Variants in IL23R observed in about 807,000 individuals in gnomAD.
The protein encoded by IL23R is interleukin-23 receptor.
IL23R carries 34 observed loss-of-function variants against 56.9 expected under a neutral mutation model. The ratio of observed to expected loss-of-function variants is 0.60; its 90% CI spans 0.45 to 0.80. The LOEUF is 0.80. IL23R is among the 30% of genes least tolerant of loss of function. IL23R has a pLI of 0.00. For missense variants in IL23R, 635 were observed against 730.0 expected, an observed-to-expected ratio of 0.87 and a Z score of 1.50; for synonymous variants, 230 against 249.2, an observed-to-expected ratio of 0.92 and a Z score of 0.73.
chr1:67,162,161 G>A (rs1216975259), upstream of IL23R, among the ~76,000 whole-genome samples: 2 of 151,584 alleles, frequency 1.3e-5, no homozygotes, highest in South Asian at 2.1e-4. Context: ...AAAAAGTAAT[G>A]GTTCATCAAA....
rs899842369 is a variant in IL23R, at chr1:67,181,180, T to G, written c.368-1656T>G. Among the ~76,000 whole-genome samples, 8 of 152,260 alleles carry G rather than the reference T, an allele frequency of 5.3e-5. No individual in the cohort carries two copies. In the East Asian group the frequency reaches 5.8e-4, roughly 11 times the overall value. ...GAATGTTGGCCTGCCTTGCTAGATTTGGGAAGTTCTCCTGGATCCTACTCT... is the reference window on the plus strand; with the variant it reads ...GAATGTTGGCCTGCCTTGCTAGATTGGGGAAGTTCTCCTGGATCCTACTCT... On this transcript the variant is annotated intron_variant, in intron 3 of 10. Coordinates refer to ENST00000347310, the MANE Select transcript of IL23R (RefSeq NM_144701.3).
At chr1:67,169,868 T>C in intron 3 of IL23R, among the ~76,000 whole-genome samples, 1 of 152,192 alleles carries the variant, frequency 6.6e-6, no homozygotes, top group East Asian at 1.9e-4. Context: ...CTACATCTTT[T>C]GGCTTTTCAA....
chr1:67,155,797 C>T (rs903632759), intron 1 of IL23R, among the ~76,000 whole-genome samples: 4 of 152,302 alleles, frequency 2.6e-5, no homozygotes, highest in African/African-American at 9.6e-5. Flanking sequence ...TCTGTCAATT[C>T]GTCCATCTCA....
At chr1:67,240,312 T>C (rs536972657) in intron 9 of IL23R, 31 bp downstream of exon 9, 17 of 1,415,632 alleles carry the variant, frequency 1.2e-5, no homozygotes, top group South Asian at 1.0e-4. Flanking sequence ...TGTTTTCTGA[T>C]TTAGACTACA....
chr1:67,221,137 G>A (rs1267080656), intron 7 of IL23R, among the ~76,000 whole-genome samples: 8 of 152,088 alleles, frequency 5.3e-5, no homozygotes, highest in Non-Finnish European at 7.4e-5. Flanking sequence ...CCTGGCCAAC[G>A]TGGCAAAATC....
chr1:67,149,183 G>A (rs1252325153), intron 1 of IL23R, among the ~76,000 whole-genome samples: 1 of 152,158 alleles, frequency 6.6e-6, no homozygotes, highest in Non-Finnish European at 1.5e-5. Flanking sequence ...TAGTCCAGAG[G>A]CTGAATGGGC....
At chr1:67,264,098 C>G (rs929432860), downstream of IL23R, among the ~76,000 whole-genome samples, 14 of 152,152 alleles carry the variant, frequency 9.2e-5, no homozygotes, top group Non-Finnish European at 2.9e-5. Flanking sequence ...TAGAACTGAA[C>G]CTTACTCTGC....
intron 9 of IL23R, 111 bp downstream of exon 9, chr1:67,240,392 G>A: frequency 1.4e-6 from 1 of 721,576 alleles, no homozygotes; most frequent in East Asian, 2.7e-5. Flanking sequence ...TTTTTATTCA[G>A]ATAAAGGAAA....
intron 1 of IL23R, among the ~76,000 whole-genome samples, chr1:67,156,833 C>T (rs1646773645): frequency 6.6e-6 from 1 of 152,208 alleles, no homozygotes; most frequent in African/African-American, 2.4e-5. Flanking sequence ...TCTCCTGTCT[C>T]ACTGGCATTC....
At chr1:67,238,830 C>T (rs1180889263) in intron 8 of IL23R, among the ~76,000 whole-genome samples, 1 of 152,152 alleles carries the variant, frequency 6.6e-6, no homozygotes, top group Non-Finnish European at 1.5e-5. Flanking sequence ...GCTCTTTAGC[C>T]CTGGGAAAAC....
At chr1:67,262,311 G>A (rs934917104), downstream of IL23R, among the ~76,000 whole-genome samples, 1 of 152,088 alleles carries the variant, frequency 6.6e-6, no homozygotes, top group Non-Finnish European at 1.5e-5. Context: ...ATTTTAGTAG[G>A]GGAAGAGGCC....
At chr1:67,227,488 AC>A (rs1650697756) in intron 7 of IL23R, among the ~76,000 whole-genome samples, 1 of 151,956 alleles carries the variant, frequency 6.6e-6, no homozygotes, top group Non-Finnish European at 1.5e-5. Context: ...ATATTAAACA[AC>A]ATTTTGCTTT....
At chr1:67,175,251 G>C (rs1261107210) in intron 3 of IL23R, among the ~76,000 whole-genome samples, 1 of 152,056 alleles carries the variant, frequency 6.6e-6, no homozygotes, top group African/African-American at 2.4e-5. Flanking sequence ...AATGGGGGTG[G>C]GATGAGTTGA....
downstream of IL23R, among the ~76,000 whole-genome samples, chr1:67,262,955 C>A (rs1279316987): frequency 6.6e-6 from 1 of 152,070 alleles, no homozygotes; most frequent in Non-Finnish European, 1.5e-5. Context: ...AATATCGTTT[C>A]CTCCTGCTCT....
At chr1:67,139,560 C>CA (rs951486679) in intron 1 of IL23R, among the ~76,000 whole-genome samples, 5 of 152,154 alleles carry the variant, frequency 3.3e-5, no homozygotes, top group African/African-American at 9.7e-5. Context: ...TTAAAGACCA[C>CA]AACTTAATAT....
At chr1:67,145,849 T>TGG (rs1254802342) in intron 1 of IL23R, among the ~76,000 whole-genome samples, 1 of 152,184 alleles carries the variant, frequency 6.6e-6, no homozygotes, top group Non-Finnish European at 1.5e-5. Context: ...ACATTGAATC[T>TGG]GGGGTAGCTC....
intron 1 of IL23R, among the ~76,000 whole-genome samples, chr1:67,148,956 C>T (rs536882964): frequency 6.6e-6 from 1 of 152,334 alleles, no homozygotes; most frequent in South Asian, 2.1e-4. Context: ...CTAGTCATCA[C>T]TGCCTGGCAG....
intron 9 of IL23R, among the ~76,000 whole-genome samples, chr1:67,250,387 T>C (rs765586545): frequency 1.3e-5 from 2 of 152,202 alleles, no homozygotes; most frequent in African/African-American, 2.4e-5. Flanking sequence ...CTTTCTTATA[T>C]AAAATCTATT....
At chr1:67,191,132 C>G (rs1647710324) in intron 4 of IL23R, among the ~76,000 whole-genome samples, 1 of 152,142 alleles carries the variant, frequency 6.6e-6, no homozygotes, top group South Asian at 2.1e-4. Flanking sequence ...GCCCGGAGAG[C>G]CACACAGTAA....
Sources: gnomAD v4.1 joint callset for allele counts (sites outside exome capture counted in the v4.1 genomes callset) on GRCh38, gnomAD v4.1.1 for gene constraint, MANE v1.5 for transcripts, NCBI Gene and HGNC (gene_info 2026-07-23, HGNC 2026-07-21) for gene names.